Variants in MSI2 observed in about 807,000 individuals in gnomAD.
The protein encoded by MSI2 is RNA-binding protein Musashi homolog 2.
MSI2 carries 17 observed loss-of-function variants against 45.6 expected under a neutral mutation model. The observed-to-expected ratio is 0.37, with a 90% CI of 0.26 to 0.56. The LOEUF (loss-of-function observed/expected upper bound fraction) is 0.56, where lower values mean the gene tolerates loss of function less well. Among genes scored for constraint, MSI2 ranks in the 20% least tolerant of loss-of-function variants. MSI2 has a pLI of 0.77. For synonymous variants in MSI2, 156 were observed against 158.2 expected, an observed-to-expected ratio of 0.99 and a Z score of 0.11; for missense variants, 293 against 444.2, an observed-to-expected ratio of 0.66 and a Z score of 3.06.
In MSI2 at chr17:57,407,259, G is replaced by GCGATCTCC; in HGVS notation, c.405+5790_405+5797dup. ...AGGCCCGAGGAAGCGCTGGGTGCCT[G>GCGATCTCC]CGATCTCCCAGCTCCGGGGTTTTCT... On this transcript the variant is annotated intron_variant, in intron 6 of 13. Transcript: ENST00000284073. The surrounding 1 kb of genome is among the most constrained non-coding windows in gnomAD (Gnocchi z 4.1). Among the ~76,000 whole-genome samples, 1 of 152,284 alleles carries GCGATCTCC rather than the reference G, an allele frequency of 6.6e-6. No individual in the cohort carries two copies. The highest frequency in any genetic ancestry group is 1.5e-5 in the Non-Finnish European group (1 of 68,020).
upstream of MSI2, chr17:57,255,915 G>A (rs1304437266): frequency 6.6e-6 from 1 of 152,096 alleles, no homozygotes; most frequent in South Asian, 2.1e-4. Context: ...TGTGCAGGAG[G>A]GTCTCCGCCA....
chr17:57,497,374 G>A (rs1448756951), intron 6 of MSI2, among the ~76,000 whole-genome samples: 8 of 152,196 alleles, frequency 5.3e-5, no homozygotes, highest in Non-Finnish European at 1.0e-4. Context: ...GTGACCCCAC[G>A]TATAAAGCGA....
intron 10 of MSI2, among the ~76,000 whole-genome samples, chr17:57,645,844 A>G (rs578130123): frequency 2.1e-3 from 315 of 152,304 alleles, no homozygotes; most frequent in Middle Eastern, 0.01. Context: ...GGGTCCAGTG[A>G]GCAACCAGGG....
chr17:57,580,708 C>G (rs1484802064), intron 7 of MSI2, among the ~76,000 whole-genome samples: 4 of 152,124 alleles, frequency 2.6e-5, no homozygotes, highest in African/African-American at 9.7e-5. Flanking sequence ...TTCAATAAAC[C>G]CCTCTGGCCT....
At chr17:57,673,257 C>T (rs575905539) in intron 11 of MSI2, among the ~76,000 whole-genome samples, 1 of 152,224 alleles carries the variant, frequency 6.6e-6, no homozygotes, top group Non-Finnish European at 1.5e-5. Flanking sequence ...CCACTTCTGG[C>T]TCTTCCAGGC....
intron 12 of MSI2, among the ~76,000 whole-genome samples, chr17:57,676,427 TA>T (rs529819908): frequency 1.6e-4 from 24 of 152,238 alleles, no homozygotes; most frequent in Non-Finnish European, 3.2e-4. Flanking sequence ...AAATCCAGAA[TA>T]ATATTATTCA....
intron 7 of MSI2, among the ~76,000 whole-genome samples, chr17:57,533,304 C>G (rs2086858941): frequency 6.6e-6 from 1 of 152,218 alleles, no homozygotes; most frequent in Non-Finnish European, 1.5e-5. Flanking sequence ...ACCCTGCAAG[C>G]AGGAAGAGGG....
At chr17:57,494,891 C>A (rs558926431) in intron 6 of MSI2, among the ~76,000 whole-genome samples, 7 of 151,786 alleles carry the variant, frequency 4.6e-5, no homozygotes, top group Non-Finnish European at 7.4e-5. Context: ...TCAACTCAAG[C>A]GGAGGGAGGT....
chr17:57,632,693 G>A (rs752834537), intron 10 of MSI2: 390 of 1,065,774 alleles, frequency 3.7e-4, no homozygotes, highest in Non-Finnish European at 4.2e-4. Context: ...TTCCCTAACT[G>A]AAATACACCC....
At chr17:57,460,713 T>A (rs1010320490) in intron 6 of MSI2, among the ~76,000 whole-genome samples, 2 of 151,942 alleles carry the variant, frequency 1.3e-5, no homozygotes, top group African/African-American at 4.8e-5. Flanking sequence ...CAGGTCCCAG[T>A]GGTGCTAGGA....
intron 9 of MSI2, among the ~76,000 whole-genome samples, chr17:57,619,754 A>G (rs1400964495): frequency 6.6e-6 from 1 of 152,168 alleles, no homozygotes; most frequent in Non-Finnish European, 1.5e-5. Flanking sequence ...GCATCTGAAC[A>G]GCGCCTGCTC....
chr17:57,537,186 C>G (rs1037110882), intron 7 of MSI2, among the ~76,000 whole-genome samples: 2 of 152,194 alleles, frequency 1.3e-5, no homozygotes, highest in Non-Finnish European at 2.9e-5. Flanking sequence ...GCCATTGCCC[C>G]TCTGCCAGAT....
intron 6 of MSI2, among the ~76,000 whole-genome samples, chr17:57,515,049 T>G (rs975925876): frequency 6.6e-6 from 1 of 152,210 alleles, no homozygotes; most frequent in Admixed American, 6.5e-5. Context: ...TGATAAATGA[T>G]TTTCCATACT....
chr17:57,597,153 A>G (rs969222927), intron 8 of MSI2, among the ~76,000 whole-genome samples: 41 of 151,706 alleles, frequency 2.7e-4, no homozygotes, highest in African/African-American at 9.5e-4. Context: ...AGTCGTGAAT[A>G]TTTTCATCTT....
intron 6 of MSI2, among the ~76,000 whole-genome samples, chr17:57,519,061 G>C (rs2086530149): frequency 2.0e-5 from 3 of 152,210 alleles, no homozygotes; most frequent in African/African-American, 7.2e-5. Flanking sequence ...AGCTCAGCCA[G>C]AATGGAGCTC....
intron 6 of MSI2, among the ~76,000 whole-genome samples, chr17:57,426,427 C>T (rs1188577941): frequency 1.3e-5 from 2 of 152,156 alleles, no homozygotes; most frequent in African/African-American, 2.4e-5. Flanking sequence ...CTCTTGTGTG[C>T]GTCCTCACGG....
chr17:57,405,750 C>T (rs1334273527), intron 6 of MSI2, among the ~76,000 whole-genome samples: 2 of 152,180 alleles, frequency 1.3e-5, no homozygotes, highest in Non-Finnish European at 2.9e-5. Flanking sequence ...TAATGACACT[C>T]GGAATTTTTG....
At chr17:57,537,846 A>T (rs2086954371) in intron 7 of MSI2, among the ~76,000 whole-genome samples, 1 of 152,156 alleles carries the variant, frequency 6.6e-6, no homozygotes, top group Admixed American at 6.5e-5. Context: ...AGCCAGGGGG[A>T]GTTTGGTACC....
chr17:57,267,756 G>A (rs1598047538), intron 5 of MSI2: 1 of 152,036 alleles, frequency 6.6e-6, no homozygotes, highest in South Asian at 2.1e-4. Context: ...GGAAATACTC[G>A]GTGCTTCCTG....
Sources: gnomAD v4.1 joint callset for allele counts (sites outside exome capture counted in the v4.1 genomes callset) on GRCh38, gnomAD v4.1.1 for gene constraint, Gnocchi (gnomAD v3.1) non-coding constraint, MANE v1.5 for transcripts, NCBI Gene and HGNC (gene_info 2026-07-23, HGNC 2026-07-21) for gene names.